The following LRRTM4 variants were observed in gnomAD, a reference collection of about 807,000 sequenced individuals.
LRRTM4 encodes the protein leucine rich repeat transmembrane neuronal 4, also known as leucine-rich repeat transmembrane neuronal protein 4.
LRRTM4 carries 25 observed loss-of-function variants against 47.6 expected under a neutral mutation model. The observed-to-expected ratio is 0.53, with a 90% CI of 0.38 to 0.73. LRRTM4 has a LOEUF of 0.73. LRRTM4 is among the 30% of genes least tolerant of loss of function. The pLI is 0.00. For missense variants in LRRTM4, 638 were observed against 713.4 expected, an observed-to-expected ratio of 0.89 and a Z score of 1.20; for synonymous variants, 311 against 269.5, an observed-to-expected ratio of 1.15 and a Z score of -1.51.
At chr2:77,056,687 G>T (rs1381368707) in intron 3 of LRRTM4, among the ~76,000 whole-genome samples, 1 of 152,172 alleles carries the variant, frequency 6.6e-6, no homozygotes. Flanking sequence ...GTAAGAAATT[G>T]TATGTACCTG....
intron 3 of LRRTM4, among the ~76,000 whole-genome samples, chr2:76,797,827 T>G (rs1015066691): frequency 2.0e-5 from 3 of 151,244 alleles, no homozygotes; most frequent in Non-Finnish European, 4.4e-5. Flanking sequence ...TAGTCTCTGA[T>G]AAAACAGACT....
At chr2:76,852,661 A>C (rs544611141) in intron 3 of LRRTM4, among the ~76,000 whole-genome samples, 1 of 152,318 alleles carries the variant, frequency 6.6e-6, no homozygotes, top group South Asian at 2.1e-4. Flanking sequence ...TCATACAAAA[A>C]GAATTTCAAC....
intron 3 of LRRTM4, among the ~76,000 whole-genome samples, chr2:77,363,429 G>A (rs529884183): frequency 2.0e-5 from 3 of 152,260 alleles, no homozygotes; most frequent in Admixed American, 6.5e-5. Flanking sequence ...AGACTCCAGC[G>A]TTGTCCCTAA....
intron 3 of LRRTM4, among the ~76,000 whole-genome samples, chr2:77,377,721 C>A (rs1259981478): frequency 6.6e-6 from 1 of 151,994 alleles, no homozygotes; most frequent in East Asian, 1.9e-4. Context: ...TTCTGAATCT[C>A]TGAAGATCAC....
intron 3 of LRRTM4, among the ~76,000 whole-genome samples, chr2:77,392,382 C>A (rs566345674): frequency 2.3e-4 from 35 of 151,936 alleles, no homozygotes; most frequent in Non-Finnish European, 4.7e-4. Context: ...TCTCCTAAAG[C>A]CTTGTCATGA....
intron 3 of LRRTM4, among the ~76,000 whole-genome samples, chr2:77,232,122 A>G (rs1441533681): frequency 6.6e-6 from 1 of 152,144 alleles, no homozygotes; most frequent in Non-Finnish European, 1.5e-5. Context: ...GAGGGCACAC[A>G]TTGGGTGGTA....
At chr2:76,808,303 C>G (rs549935913) in intron 3 of LRRTM4, among the ~76,000 whole-genome samples, 1 of 152,282 alleles carries the variant, frequency 6.6e-6, no homozygotes, top group East Asian at 1.9e-4. Context: ...GCCACCGCAG[C>G]TGGCCTATTT....
intron 3 of LRRTM4, among the ~76,000 whole-genome samples, chr2:77,130,712 C>A (rs896253111): frequency 6.6e-6 from 1 of 150,520 alleles, no homozygotes; most frequent in Non-Finnish European, 1.5e-5. Context: ...GGGGTTTCAC[C>A]GTGTTAGCCA....
intron 3 of LRRTM4, among the ~76,000 whole-genome samples, chr2:77,079,842 G>T (rs905780843): frequency 3.3e-5 from 5 of 151,322 alleles, no homozygotes; most frequent in African/African-American, 1.2e-4. Flanking sequence ...CTTTTTTTTA[G>T]TTTTCTGTAT....
intron 3 of LRRTM4, among the ~76,000 whole-genome samples, chr2:77,232,781 A>T (rs1675002942): frequency 6.6e-6 from 1 of 152,226 alleles, no homozygotes; most frequent in African/African-American, 2.4e-5. Context: ...TTTAGGAGAA[A>T]AAAATTAAAA....
intron 3 of LRRTM4, among the ~76,000 whole-genome samples, chr2:77,220,148 G>A (rs1265560558): frequency 6.6e-6 from 1 of 152,196 alleles, no homozygotes; most frequent in East Asian, 1.9e-4. Context: ...TGAGGGTCCT[G>A]ACTGTTAGAA....
chr2:77,206,782 C>A (rs1348959947), intron 3 of LRRTM4, among the ~76,000 whole-genome samples: 2 of 152,110 alleles, frequency 1.3e-5, no homozygotes, highest in Non-Finnish European at 2.9e-5. Flanking sequence ...CTGTGCCCAG[C>A]ACAAAACTTA....
At chr2:77,266,720 A>G (rs770928500) in intron 3 of LRRTM4, among the ~76,000 whole-genome samples, 1 of 152,086 alleles carries the variant, frequency 6.6e-6, no homozygotes, top group Non-Finnish European at 1.5e-5. Context: ...GACTGCAGGA[A>G]GCAGGAGGAC....
intron 3 of LRRTM4, among the ~76,000 whole-genome samples, chr2:77,322,110 A>C (rs1677813086): frequency 6.6e-6 from 1 of 152,194 alleles, no homozygotes; most frequent in East Asian, 1.9e-4. Context: ...CAAGTCACAC[A>C]GGTAGAAATA....
Position 77,349,221 on chromosome 2 carries a change from A to T in LRRTM4, c.1551+169097T>A, listed in dbSNP as rs556934652. On this transcript the variant is annotated intron_variant, in intron 3 of 3. Coordinates refer to ENST00000409884, the MANE Select transcript of LRRTM4 (RefSeq NM_001134745.3). ...TTATTGACTTTTGTACCTTGGCTGC[A>T]TATAAAGTAAATACATTAAAAAATA... is the stretch of plus-strand genomic sequence containing the variant. 1.5e-3 allele frequency among the ~76,000 whole-genome samples: 231 copies of T among 152,164 alleles called. 1 individual carries two copies. The highest frequency in any genetic ancestry group is 5.2e-3 in the African/African-American group (217 of 41,572).
At chr2:76,929,847 T>C (rs898785223) in intron 3 of LRRTM4, among the ~76,000 whole-genome samples, 1 of 152,178 alleles carries the variant, frequency 6.6e-6, no homozygotes, top group Non-Finnish European at 1.5e-5. Context: ...AGCATGTTTT[T>C]AGAATATAAA....
chr2:77,117,630 T>C (rs1225830772), intron 3 of LRRTM4, among the ~76,000 whole-genome samples: 1 of 152,000 alleles, frequency 6.6e-6, no homozygotes, highest in East Asian at 1.9e-4. Context: ...CAAATAAACA[T>C]TTATTTATGC....
chr2:76,964,655 T>C (rs1259119969), intron 3 of LRRTM4, among the ~76,000 whole-genome samples: 4 of 135,674 alleles, frequency 2.9e-5, no homozygotes, highest in African/African-American at 1.3e-4. Flanking sequence ...AAATTAATAA[T>C]CTAATCTTCC....
intron 3 of LRRTM4, among the ~76,000 whole-genome samples, chr2:76,829,522 C>G (rs185178697): frequency 7.7e-6 from 1 of 129,120 alleles, no homozygotes; most frequent in East Asian, 3.2e-4. Context: ...TAATTACATA[C>G]TGTCATGTAA....
Sources: allele counts gnomAD v4.1 joint callset (sites outside exome capture counted in the v4.1 genomes callset), GRCh38; gene constraint gnomAD v4.1.1; transcripts MANE v1.5; gene names NCBI Gene and HGNC (gene_info 2026-07-23, HGNC 2026-07-21).